KIAA1217: variants seen among roughly 807,000 people sequenced by gnomAD.
KIAA1217 encodes the protein sickle tail protein homolog.
Under a neutral mutation model 163.9 loss-of-function variants are expected in KIAA1217, and 88 were observed. That is an observed-to-expected ratio of 0.54 (90% CI 0.45 to 0.64). The LOEUF (loss-of-function observed/expected upper bound fraction) is 0.64. KIAA1217 is among the 30% of genes least tolerant of loss of function. The pLI is 0.00. For synonymous variants in KIAA1217, 903 were observed against 923.1 expected (o/e 0.98, Z 0.39); for missense variants, 2,372 against 2,475.0 (o/e 0.96, Z 0.88).
At chr10:24,000,034 C>T (rs72773134) in intron 1 of KIAA1217, among the ~76,000 whole-genome samples, 1 of 152,148 alleles carries the variant, frequency 6.6e-6, no homozygotes, top group South Asian at 2.1e-4. Flanking sequence ...CCACTGCAGT[C>T]CAGCCTGGGT....
chr10:24,211,568 T>C (rs2068111793), intron 1 of KIAA1217, among the ~76,000 whole-genome samples: 1 of 140,516 alleles, frequency 7.1e-6, no homozygotes, highest in South Asian at 2.3e-4. Flanking sequence ...TTGTATTGTA[T>C]TGTATTGTAT....
At chr10:24,097,480 G>A (rs2062209857) in intron 2 of KIAA1217, among the ~76,000 whole-genome samples, 1 of 152,150 alleles carries the variant, frequency 6.6e-6, no homozygotes, top group South Asian at 2.1e-4. Flanking sequence ...TTGAGCCTAG[G>A]AGGTGGAGGC....
At chr10:23,968,025 C>T (rs187765562) in intron 1 of KIAA1217, among the ~76,000 whole-genome samples, 8 of 150,316 alleles carry the variant, frequency 5.3e-5, no homozygotes, top group African/African-American at 1.5e-4. Context: ...TATACATGTG[C>T]CATGGTGGTT....
At chr10:23,742,591 C>A (rs1303067878) in intron 1 of KIAA1217, among the ~76,000 whole-genome samples, 1 of 151,974 alleles carries the variant, frequency 6.6e-6, no homozygotes, top group Non-Finnish European at 1.5e-5. Flanking sequence ...GGGGGAGGTG[C>A]CACACACTTT....
intron 2 of KIAA1217, among the ~76,000 whole-genome samples, chr10:24,351,907 C>T (rs1324066425): frequency 2.6e-5 from 4 of 152,232 alleles, no homozygotes; most frequent in African/African-American, 9.6e-5. Flanking sequence ...AGTCTATCCA[C>T]AAGCCACCAC....
At chr10:24,157,248 A>C (rs894049381) in intron 2 of KIAA1217, among the ~76,000 whole-genome samples, 2 of 152,170 alleles carry the variant, frequency 1.3e-5, no homozygotes, top group Non-Finnish European at 2.9e-5. Context: ...TTAATGAACA[A>C]TTTTGTTGAA....
intron 1 of KIAA1217, among the ~76,000 whole-genome samples, chr10:24,003,422 GC>G (rs1846844032): frequency 6.6e-6 from 1 of 152,194 alleles, no homozygotes; most frequent in South Asian, 2.1e-4. Context: ...GTGATGTTGA[GC>G]TTTTTTTTAT....
At chr10:23,747,381 C>A (rs1001459039) in intron 1 of KIAA1217, among the ~76,000 whole-genome samples, 1 of 152,100 alleles carries the variant, frequency 6.6e-6, no homozygotes, top group African/African-American at 2.4e-5. Flanking sequence ...GCACTGGGGT[C>A]TCTCAGAGGT....
intron 2 of KIAA1217, among the ~76,000 whole-genome samples, chr10:24,287,272 A>G (rs542009044): frequency 2.0e-5 from 3 of 152,266 alleles, no homozygotes; most frequent in Admixed American, 2.0e-4. Flanking sequence ...GCTGGTCTTG[A>G]ACTCCTGACC....
rs184566394 is a variant in KIAA1217, at chr10:24,299,759, C to T, written c.354+79850C>T. 4.3e-3 allele frequency among the ~76,000 whole-genome samples: 647 copies of T among 152,218 alleles called. 3 individuals carry two copies. Among genetic ancestry groups the T allele is most frequent in the African/African-American group, 0.015 (612 of 41,538 alleles). On this transcript the variant is annotated intron_variant, in intron 2 of 20. Coordinates refer to ENST00000376454, the MANE Select transcript of KIAA1217 (RefSeq NM_019590.5). ...ATGAGTAAACTACAATTTTATGAAGCCTGTGGATGCTGGAGTGATACTTAC... is the reference window on the plus strand; with the variant it reads ...ATGAGTAAACTACAATTTTATGAAGTCTGTGGATGCTGGAGTGATACTTAC...
At chr10:24,408,290 A>G (rs889481595) in intron 3 of KIAA1217, among the ~76,000 whole-genome samples, 4 of 152,214 alleles carry the variant, frequency 2.6e-5, no homozygotes, top group Admixed American at 6.5e-5. Context: ...CATAAAACCA[A>G]TGTGGGAAAA....
chr10:24,076,877 C>CT (rs10573976), intron 2 of KIAA1217, among the ~76,000 whole-genome samples: 3,380 of 140,946 alleles, frequency 0.024, 59 homozygotes, highest in Non-Finnish European at 0.029. Context: ...TTATTTCCAT[C>CT]TTTTTTTTTT....
intron 3 of KIAA1217, among the ~76,000 whole-genome samples, chr10:24,428,905 G>C (rs2059377433): frequency 6.6e-6 from 1 of 150,826 alleles, no homozygotes. Flanking sequence ...TTACATGTTA[G>C]CAAGAGAAAC....
chr10:24,404,018 G>A (rs772706210), intron 3 of KIAA1217, among the ~76,000 whole-genome samples: 7 of 152,082 alleles, frequency 4.6e-5, no homozygotes, highest in Non-Finnish European at 7.4e-5. Context: ...GTACAGCGGC[G>A]TAATCACAGT....
intron 1 of KIAA1217, among the ~76,000 whole-genome samples, chr10:23,961,162 C>T (rs912664915): frequency 2.6e-5 from 4 of 152,176 alleles, no homozygotes; most frequent in Non-Finnish European, 5.9e-5. Flanking sequence ...CATGTTAATG[C>T]ATTCCCAGTT....
intron 1 of KIAA1217, among the ~76,000 whole-genome samples, chr10:23,798,020 A>G (rs1173014710): frequency 1.3e-5 from 2 of 152,134 alleles, no homozygotes; most frequent in Non-Finnish European, 1.5e-5. Flanking sequence ...TTTTTTAGTC[A>G]CAAGTTCAAT....
chr10:24,414,560 A>G (rs958738299), intron 3 of KIAA1217, among the ~76,000 whole-genome samples: 1 of 152,158 alleles, frequency 6.6e-6, no homozygotes, highest in Non-Finnish European at 1.5e-5. Context: ...TTTGATCATG[A>G]GGCATTTAGG....
chr10:24,419,295 T>A (rs1165465365), intron 3 of KIAA1217, among the ~76,000 whole-genome samples: 1 of 152,078 alleles, frequency 6.6e-6, no homozygotes, highest in Non-Finnish European at 1.5e-5. Context: ...CTGAGTCAGA[T>A]CTGAGTGCTC....
intron 1 of KIAA1217, among the ~76,000 whole-genome samples, chr10:23,893,912 A>G (rs1051779656): frequency 6.6e-6 from 1 of 152,028 alleles, no homozygotes; most frequent in African/African-American, 2.4e-5. Flanking sequence ...CAATAGATGC[A>G]GAAAAGGCCT....
Sources: allele counts gnomAD v4.1 joint callset (sites outside exome capture counted in the v4.1 genomes callset), GRCh38; gene constraint gnomAD v4.1.1; transcripts MANE v1.5; gene names NCBI Gene and HGNC (gene_info 2026-07-23, HGNC 2026-07-21).